ZNF766: variants seen among roughly 807,000 people sequenced by gnomAD.
The protein encoded by ZNF766 is zinc finger protein 766.
ZNF766 carries 13 observed loss-of-function variants against 13.2 expected under a neutral mutation model. The ratio of observed to expected loss-of-function variants is 0.98; its 90% CI spans 0.64 to 1.56. ZNF766 has a LOEUF of 1.56. Among genes scored for constraint, ZNF766 ranks in the 40% most tolerant of loss-of-function variants. The probability of loss-of-function intolerance (pLI) is 0.00; values close to 1 mark genes in which losing one functional copy is unlikely to be tolerated. For synonymous variants in ZNF766, 178 were observed against 187.6 expected (o/e 0.95, Z 0.42); for missense variants, 521 against 552.2 (o/e 0.94, Z 0.57).
Position 52,290,513 on chromosome 19 carries a change from A to C in ZNF766, c.722A>C (p.Lys241Thr), listed in dbSNP as rs771507709. The C allele has an allele frequency of 1.2e-6, 2 of 1,614,054 alleles. No individual in the cohort carries two copies. Among genetic ancestry groups the C allele is most frequent in the African/African-American group, 2.7e-5 (2 of 74,934 alleles). Reference sequence around the variant, plus strand: ...CATTGGAGAATTCGTACAGGAGAGAAACCTTACAAATGTAAAGAGTGTGGC... The same window carrying C: ...CATTGGAGAATTCGTACAGGAGAGACACCTTACAAATGTAAAGAGTGTGGC... The part of the protein sequence containing the change: ...AEHWRIRTGE[K>T]PYKCKECGKL... Residue 241 changes from lysine to threonine, a missense_variant, in exon 4 of 4, where the codon AAA (lysine) becomes ACA (threonine). By Grantham distance (78) the Lys-to-Thr change is moderately conservative. Transcript: ENST00000439461.
chr19:52,277,689 C>A, intron 1 of ZNF766: 1 of 926,672 alleles, frequency 1.1e-6, no homozygotes, highest in South Asian at 1.6e-5. Context: ...TCCCTCTCAT[C>A]TCGCTTAGAT....
chr19:52,272,256 G>C (rs1013613720), intron 1 of ZNF766, among the ~76,000 whole-genome samples: 8 of 151,866 alleles, frequency 5.3e-5, no homozygotes, highest in Non-Finnish European at 8.8e-5. Flanking sequence ...TCTGTGTTTC[G>C]AAGTCCAATT....
In ZNF766 at chr19:52,282,483, A is replaced by C. The variant is rs191830605; in HGVS notation, c.145+246A>C. ...AAACCCCATCTGTACTAAAAATACA[A>C]AAATTAGCCAGGTGTCACGGTGCAT... On this transcript the variant is annotated intron_variant, in intron 2 of 3. Transcript: ENST00000439461. The C allele has an allele frequency of 4.3e-3, 1,230 of 287,356 alleles. 21 individuals carry two copies. Among genetic ancestry groups the C allele is most frequent in the East Asian group, 0.039 (398 of 10,158 alleles). 17.8% of individuals were successfully genotyped at this position (287,356 alleles called of 1,614,324 possible).
Position 52,292,225 on chromosome 19 carries a change from G to GT in ZNF766, c.*1030dup, listed in dbSNP as rs548463360. On this transcript the variant is annotated 3_prime_UTR_variant, in exon 4 of 4. Transcript: ENST00000439461. ...ATTAGATGAGGAGCGTTTCTATCCA[G>GT]TTTCCTGGAGGAATAAGGACACTGC... 14 of 700,510 alleles carry GT rather than the reference G, an allele frequency of 2.0e-5. No homozygotes were observed. The African/African-American group carries it at 2.4e-4, about 12-fold the overall frequency. 43.4% of individuals were successfully genotyped at this position (700,510 alleles called of 1,614,324 possible).
At chr19:52,278,926 G>A (rs1019566693) in intron 1 of ZNF766, among the ~76,000 whole-genome samples, 13 of 152,162 alleles carry the variant, frequency 8.5e-5, no homozygotes, top group Admixed American at 3.3e-4. Context: ...TGCTTTTGGT[G>A]TCTTTGTCAT....
At position 52,291,977 on chromosome 19, in the gene ZNF766, C is replaced by G. The variant is rs1176963704; in HGVS notation, c.*779C>G. On this transcript the variant is annotated 3_prime_UTR_variant, in exon 4 of 4. Coordinates refer to ENST00000439461, the MANE Select transcript of ZNF766 (RefSeq NM_001010851.3). ...GTTCCAGCTACTCAAGAGGCCGAGG[C>G]AAGAGGATTGCTCAAGCCCAGGAGT... 7 of 565,070 alleles carry G rather than the reference C, an allele frequency of 1.2e-5. 1 individual carries two copies. In the South Asian group the frequency reaches 1.6e-4, roughly 13 times the overall value. 35.0% of individuals were successfully genotyped at this position (565,070 alleles called of 1,614,324 possible).
chr19:52,286,195 T>TCCC (rs1568621172), intron 3 of ZNF766, among the ~76,000 whole-genome samples: 8 of 143,150 alleles, frequency 5.6e-5, no homozygotes, highest in African/African-American at 2.2e-4. Context: ...TTTTCCCCCC[T>TCCC]AATTATAAAG....
At chr19:52,275,575 C>T (rs1474524345) in intron 1 of ZNF766, 1 of 152,200 alleles carries the variant, frequency 6.6e-6, no homozygotes, top group African/African-American at 2.4e-5. Context: ...CACTCACCCA[C>T]AGCAATTTCC....
chr19:52,278,623 C>A (rs746417378), intron 1 of ZNF766, among the ~76,000 whole-genome samples: 1 of 152,020 alleles, frequency 6.6e-6, no homozygotes, highest in Admixed American at 6.6e-5. Flanking sequence ...AGGCTGGTCT[C>A]GGAACTTCTG....
intron 1 of ZNF766, among the ~76,000 whole-genome samples, chr19:52,280,453 G>A (rs1004003939): frequency 6.6e-6 from 1 of 152,150 alleles, no homozygotes; most frequent in Non-Finnish European, 1.5e-5. Context: ...AATTGTATAT[G>A]TGTATTACTT....
chr19:52,283,736 A>T (rs1981665080), intron 3 of ZNF766, among the ~76,000 whole-genome samples: 1 of 151,926 alleles, frequency 6.6e-6, no homozygotes, highest in South Asian at 2.1e-4. Flanking sequence ...GTATGTATGT[A>T]TTTATTCATT....
chr19:52,276,817 A>C (rs998658088), intron 1 of ZNF766, among the ~76,000 whole-genome samples: 2 of 152,222 alleles, frequency 1.3e-5, no homozygotes, highest in Non-Finnish European at 2.9e-5. Context: ...GGCTGAGTTC[A>C]GCCTCTGATT....
rs371921258 is a variant in ZNF766 at position 52,283,287 on chromosome 19, A to G, written c.148A>G (p.Ile50Val). ...ENYRNLVSLGICLPDLSIISM... is the reference protein window; with the variant it reads ...ENYRNLVSLGVCLPDLSIISM... ...TTGATTCTTTCTTTTATAAACAGGA[A>G]TCTGTCTTCCTGACCTGAGTATTAT... Residue 50 changes from isoleucine (I) to valine (V), a missense_variant and splice_region_variant, in exon 3 of 4, where the codon ATC (isoleucine) becomes GTC (valine). Ile to Val is a conservative substitution (Grantham distance 29). Transcript: ENST00000439461. The G allele has an allele frequency of 3.7e-6, 6 of 1,612,744 alleles. No individual in the cohort carries two copies. The highest frequency in any genetic ancestry group is 4.2e-6 in the Non-Finnish European group (5 of 1,179,360).
At chr19:52,279,271 C>T (rs955750063) in intron 1 of ZNF766, among the ~76,000 whole-genome samples, 5 of 152,200 alleles carry the variant, frequency 3.3e-5, no homozygotes, top group African/African-American at 1.2e-4. Context: ...GTTTTGGTTA[C>T]TGTAGCCTTG....
Position 52,295,753 on chromosome 19 carries a change from T to C in ZNF766, c.*4555T>C, listed in dbSNP as rs564859936. The C allele has an allele frequency of 6.6e-6, 1 of 152,290 alleles. No homozygotes were observed. Among genetic ancestry groups the C allele is most frequent in the South Asian group, 2.1e-4 (1 of 4,830 alleles). 9.4% of individuals were successfully genotyped at this position (152,290 alleles called of 1,614,324 possible). A position where few individuals can be genotyped will look rare whatever the true frequency, so the allele number is the denominator to read the frequency against. On this transcript the variant is annotated 3_prime_UTR_variant, in exon 4 of 4. Coordinates refer to ENST00000439461, the MANE Select transcript of ZNF766 (RefSeq NM_001010851.3). The stretch of plus-strand genomic sequence containing the variant: ...TTATTTTTTTGAGATGGAGTTTCAC[T>C]CTTGTTGCCTAAGCTGGAGTGCAAT...
chr19:52,288,176 A>T (rs1981927352), intron 3 of ZNF766: 1 of 266,826 alleles, frequency 3.7e-6, no homozygotes, highest in African/African-American at 2.4e-5. Context: ...ACATGCCACC[A>T]TGTCCAGCTA....
chr19:52,273,017 A>G (rs947606626), intron 1 of ZNF766, among the ~76,000 whole-genome samples: 1 of 151,236 alleles, frequency 6.6e-6, no homozygotes, highest in East Asian at 2.0e-4. Context: ...ACATTAATAT[A>G]TTTTTTTTTC....
chr19:52,281,759 C>G, intron 1 of ZNF766: 1 of 481,436 alleles, frequency 2.1e-6, no homozygotes, highest in South Asian at 1.5e-5. Flanking sequence ...AAAATTAACC[C>G]ACAATTCTAT....
At chr19:52,285,164 A>C (rs973988345) in intron 3 of ZNF766, 2 of 152,160 alleles carry the variant, frequency 1.3e-5, no homozygotes, top group Non-Finnish European at 2.9e-5. Flanking sequence ...TTTTAGCACA[A>C]AACTCGCAAA....
Sources: allele counts gnomAD v4.1 joint callset (sites outside exome capture counted in the v4.1 genomes callset), GRCh38; gene constraint gnomAD v4.1.1; transcripts MANE v1.5; gene names NCBI Gene and HGNC (gene_info 2026-07-23, HGNC 2026-07-21).